RICTOR: variants seen among roughly 807,000 people sequenced by gnomAD.
RICTOR encodes RPTOR independent companion of MTOR complex 2, also known as rapamycin-insensitive companion of mTOR.
In RICTOR, 49 loss-of-function variants were observed where a neutral mutation model predicts 214.9. The observed-to-expected ratio is 0.23, with a 90% CI of 0.18 to 0.29. RICTOR has a LOEUF of 0.29. Ranked by LOEUF, RICTOR falls within the 10% of genes least tolerant of loss-of-function variation. The probability of loss-of-function intolerance (pLI) is 1.00; values close to 1 mark genes in which losing one functional copy is unlikely to be tolerated. For missense variants in RICTOR, 1,625 were observed against 2,047.0 expected (o/e 0.79, Z 3.98); for synonymous variants, 717 against 711.3 (o/e 1.01, Z -0.13).
intron 7 of RICTOR, among the ~76,000 whole-genome samples, chr5:38,984,626 A>T (rs1052062062): frequency 3.9e-5 from 6 of 152,098 alleles, no homozygotes; most frequent in Admixed American, 2.6e-4. Flanking sequence ...TGGTCTTTTT[A>T]AAAAATCCTC....
chr5:38,939,234 C>CT lies in RICTOR; in HGVS notation c.*3069dup. ...AGCATTGATATCCCACTGCTGAACA[C>CT]TTGGCCGTTGTGATATGCCCTGAAA... On this transcript the variant is annotated 3_prime_UTR_variant, in exon 38 of 38. Coordinates refer to ENST00000357387, the MANE Select transcript of RICTOR (RefSeq NM_152756.5). 1 of 232,968 alleles carries CT rather than the reference C, an allele frequency of 4.3e-6. No homozygotes were observed. The highest frequency in any genetic ancestry group is 8.5e-6 in the Non-Finnish European group (1 of 117,668). The allele number at this position is 232,968 out of a possible 1,614,324, so 14.4% of individuals were successfully genotyped here. A position where few individuals can be genotyped will look rare whatever the true frequency, so the allele number is the denominator to read the frequency against.
At chr5:39,003,496 T>C (rs1174033079) in intron 4 of RICTOR, 62 bp downstream of exon 4, 1 of 1,061,164 alleles carries the variant, frequency 9.4e-7, no homozygotes, top group Admixed American at 1.9e-5. Context: ...TAGTTTAAAA[T>C]TACTAAAATT....
At chr5:38,966,436 A>C (rs1750225650) in intron 15 of RICTOR, among the ~76,000 whole-genome samples, 1 of 152,244 alleles carries the variant, frequency 6.6e-6, no homozygotes, top group African/African-American at 2.4e-5. Flanking sequence ...AACCAATCAA[A>C]ATATGCATGT....
intron 10 of RICTOR, among the ~76,000 whole-genome samples, chr5:38,974,692 T>C (rs1751063068): frequency 6.6e-6 from 1 of 152,046 alleles, no homozygotes; most frequent in Non-Finnish European, 1.5e-5. Flanking sequence ...AAAATAGGTA[T>C]TTATGAGGTA....
intron 10 of RICTOR, among the ~76,000 whole-genome samples, chr5:38,972,966 ATGAG>A (rs1750912814): frequency 1.3e-5 from 2 of 151,588 alleles, no homozygotes; most frequent in South Asian, 2.1e-4. Context: ...AATAACATAA[ATGAG>A]TATCAAAATC....
intron 3 of RICTOR, among the ~76,000 whole-genome samples, chr5:39,009,403 T>C (rs940587037): frequency 6.6e-6 from 1 of 152,146 alleles, no homozygotes; most frequent in African/African-American, 2.4e-5. Context: ...AAAAAGTGTT[T>C]AGAGAGGTGT....
At chr5:39,065,839 T>A (rs1272610096) in intron 2 of RICTOR, among the ~76,000 whole-genome samples, 3 of 152,240 alleles carry the variant, frequency 2.0e-5, no homozygotes, top group Admixed American at 2.0e-4. Flanking sequence ...CCCAAGGCTT[T>A]GGGCAACTCT....
chr5:39,040,601 C>T (rs1376997460), intron 2 of RICTOR, among the ~76,000 whole-genome samples: 1 of 151,782 alleles, frequency 6.6e-6, no homozygotes, highest in African/African-American at 2.4e-5. Context: ...AACAATGGTC[C>T]TTCCAAGGTT....
chr5:38,990,653 A>ATCATATATATGATATATATC (rs1361515919), intron 7 of RICTOR, among the ~76,000 whole-genome samples: 1 of 52,334 alleles, frequency 1.9e-5, no homozygotes, highest in African/African-American at 6.1e-5. Flanking sequence ...TATCAGATAT[A>ATCATATATATGATATATATC]TGATATATAT....
At chr5:39,058,155 C>T (rs939874749) in intron 2 of RICTOR, among the ~76,000 whole-genome samples, 17 of 151,928 alleles carry the variant, frequency 1.1e-4, no homozygotes, top group African/African-American at 4.1e-4. Flanking sequence ...TTCCAACTCT[C>T]ACATCACTAT....
chr5:39,037,181 C>G (rs1192989524), intron 2 of RICTOR, among the ~76,000 whole-genome samples: 1 of 152,234 alleles, frequency 6.6e-6, no homozygotes. Flanking sequence ...AACCACTCAA[C>G]TACATGGAAA....
intron 7 of RICTOR, among the ~76,000 whole-genome samples, chr5:38,985,963 C>G (rs1448837281): frequency 6.6e-6 from 1 of 152,130 alleles, no homozygotes; most frequent in Non-Finnish European, 1.5e-5. Flanking sequence ...TCCCAAAGTG[C>G]TGGGATTACA....
intron 5 of RICTOR, among the ~76,000 whole-genome samples, chr5:39,000,412 CTA>C (rs2150100676): frequency 6.6e-6 from 1 of 151,830 alleles, no homozygotes; most frequent in Admixed American, 6.6e-5. Flanking sequence ...GTGCAAAAAT[CTA>C]TAAAATATTA....
intron 2 of RICTOR, among the ~76,000 whole-genome samples, chr5:39,059,036 G>A (rs1350606397): frequency 6.6e-6 from 1 of 152,072 alleles, no homozygotes; most frequent in Admixed American, 6.5e-5. Flanking sequence ...TGGAATTACT[G>A]TAATTACTTC....
chr5:38,980,017 C>T (rs1001963416), intron 8 of RICTOR, among the ~76,000 whole-genome samples: 9 of 152,162 alleles, frequency 5.9e-5, no homozygotes, highest in African/African-American at 2.2e-4. Context: ...CTAATAACAT[C>T]TTCCTGTTCA....
At position 38,967,149 on chromosome 5, in the gene RICTOR, T is replaced by C. The variant is rs778333929; in HGVS notation, c.1218+12A>G. On this transcript the variant is annotated intron_variant, in intron 14 of 37. Coordinates refer to ENST00000357387, the MANE Select transcript of RICTOR (RefSeq NM_152756.5). Reference sequence around the variant, plus strand: ...AAACAAAATGGAATAAAATAAGGTTTATAAGTCTTACCTCTAAAAGTCCAT... The same window carrying C: ...AAACAAAATGGAATAAAATAAGGTTCATAAGTCTTACCTCTAAAAGTCCAT... The C allele has an allele frequency of 6.4e-6, 10 of 1,567,932 alleles. No homozygotes were observed. The African/African-American group carries it at 1.2e-4, about 19-fold the overall frequency.
chr5:39,020,992 T>C (rs201279166), intron 3 of RICTOR, 47 bp downstream of exon 3: 1 of 917,496 alleles, frequency 1.1e-6, no homozygotes, highest in Non-Finnish European at 1.8e-6. Context: ...GTAAGTGTGG[T>C]AAGGAACAAA....
intron 2 of RICTOR, among the ~76,000 whole-genome samples, chr5:39,069,288 C>T (rs865871621): frequency 6.6e-5 from 10 of 152,216 alleles, no homozygotes; most frequent in South Asian, 2.1e-4. Flanking sequence ...GTAATATTGT[C>T]GTTATCATTC....
chr5:39,041,575 A>G (rs927074843), intron 2 of RICTOR, among the ~76,000 whole-genome samples: 1 of 152,174 alleles, frequency 6.6e-6, no homozygotes, highest in Admixed American at 6.5e-5. Flanking sequence ...AGAAAACTTA[A>G]TAACGGCTTA....
Sources: allele counts gnomAD v4.1 joint callset (sites outside exome capture counted in the v4.1 genomes callset), GRCh38; gene constraint gnomAD v4.1.1; transcripts MANE v1.5; gene names NCBI Gene and HGNC (gene_info 2026-07-23, HGNC 2026-07-21).